The following EDC3 variants were observed in gnomAD, a reference collection of about 807,000 sequenced individuals.
The protein encoded by EDC3 is enhancer of mRNA-decapping protein 3.
Under a neutral mutation model 41.8 loss-of-function variants are expected in EDC3, and 20 were observed. The ratio of observed to expected loss-of-function variants is 0.48; its 90% CI spans 0.34 to 0.70. The LOEUF is 0.70. Ranked by LOEUF, EDC3 falls within the 30% of genes least tolerant of loss-of-function variation. EDC3 has a pLI of 0.01. For synonymous variants in EDC3, 206 were observed against 243.2 expected, an observed-to-expected ratio of 0.85 and a Z score of 1.42; for missense variants, 444 against 636.8, an observed-to-expected ratio of 0.70 and a Z score of 3.26.
chr15:74,684,967 T>C (rs1309525908), intron 1 of EDC3, among the ~76,000 whole-genome samples: 1 of 152,154 alleles, frequency 6.6e-6, no homozygotes, highest in Non-Finnish European at 1.5e-5. Context: ...CGACATCTGG[T>C]AAAACATGAC....
chr15:74,650,401 T>C (rs1482573032), intron 4 of EDC3, among the ~76,000 whole-genome samples: 1 of 152,178 alleles, frequency 6.6e-6, no homozygotes, highest in African/African-American at 2.4e-5. Context: ...TGCACCTGCC[T>C]AGCCTACCCA....
chr15:74,635,625 A>G lies in EDC3; in HGVS notation c.976T>C (p.Leu326=). The G allele has an allele frequency of 6.2e-7, 1 of 1,611,830 alleles. No individual in the cohort carries two copies. The highest frequency in any genetic ancestry group is 8.5e-7 in the Non-Finnish European group (1 of 1,178,100). Residue 326 remains leucine, a splice_region_variant and synonymous_variant, in exon 6 of 7, where the codon TTG becomes CTG. Transcript: ENST00000315127. ...ALTLLGGPNR[L]NPKNVHQRPT... ...CTCTGGTGAACATTTTTGGGATTCA[A>G]CCTGGAAAAGAAGGTGAAGAAGCAG...
At chr15:74,637,378 C>T (rs2062286614) in intron 5 of EDC3, 1 of 152,170 alleles carries the variant, frequency 6.6e-6, no homozygotes, top group Admixed American at 6.5e-5. Context: ...TGGGAAGCCA[C>T]TTAATGGTCT....
intron 1 of EDC3, among the ~76,000 whole-genome samples, chr15:74,680,123 G>A (rs773548235): frequency 3.3e-5 from 5 of 151,428 alleles, no homozygotes; most frequent in East Asian, 3.9e-4. Context: ...TTAGCCAGGC[G>A]TGGTGGCGTG....
At chr15:74,670,801 A>T (rs1288962267) in intron 3 of EDC3, among the ~76,000 whole-genome samples, 2 of 152,214 alleles carry the variant, frequency 1.3e-5, no homozygotes, top group East Asian at 3.8e-4. Flanking sequence ...GGGCAGCAAC[A>T]GAGACCAATG....
chr15:74,689,761 T>C (rs1350257534), intron 1 of EDC3, among the ~76,000 whole-genome samples: 1 of 152,042 alleles, frequency 6.6e-6, no homozygotes, highest in African/African-American at 2.4e-5. Context: ...CCTGACCTCA[T>C]GATCCGCCCG....
At chr15:74,648,680 C>G (rs1408958544) in intron 4 of EDC3, among the ~76,000 whole-genome samples, 39 of 152,162 alleles carry the variant, frequency 2.6e-4, no homozygotes, top group Non-Finnish European at 1.5e-5. Flanking sequence ...TTCGGGTCAT[C>G]CTCACACACT....
chr15:74,686,542 T>C (rs1037425001), intron 1 of EDC3, among the ~76,000 whole-genome samples: 4 of 151,630 alleles, frequency 2.6e-5, no homozygotes, highest in Non-Finnish European at 4.4e-5. Flanking sequence ...CCCAGCACTT[T>C]CAGAGGCCGA....
chr15:74,643,066 C>T (rs542155863), intron 4 of EDC3: 5 of 152,184 alleles, frequency 3.3e-5, no homozygotes, highest in Non-Finnish European at 7.3e-5. Context: ...GACTGTTCCT[C>T]TGAAAGGAAC....
chr15:74,655,742 ACTC>A lies in EDC3; in HGVS notation c.808_810del (p.Glu270del). 2 of 1,608,696 alleles carry A rather than the reference ACTC, an allele frequency of 1.2e-6. No individual in the cohort carries two copies. On this transcript the variant is annotated inframe_deletion, in exon 4 of 7. Coordinates refer to ENST00000315127, the MANE Select transcript of EDC3 (RefSeq NM_025083.5). ...ACCTGATGCAACTCACCCGTGCAGA[ACTC>A]CTTGCTCACGTTGTGGGGCACTATG... is the stretch of plus-strand genomic sequence containing the variant.
intron 4 of EDC3, among the ~76,000 whole-genome samples, chr15:74,653,101 A>T (rs998315933): frequency 7.3e-5 from 11 of 150,754 alleles, no homozygotes; most frequent in Admixed American, 7.3e-4. Context: ...AATCGCTTGA[A>T]CCTGGGAGGT....
intron 4 of EDC3, among the ~76,000 whole-genome samples, chr15:74,649,577 C>G (rs2062457001): frequency 6.6e-6 from 1 of 152,100 alleles, no homozygotes; most frequent in South Asian, 2.1e-4. Context: ...ACTGAGGTGG[C>G]CTTTGCAAAT....
At chr15:74,688,280 C>G (rs1480388834) in intron 1 of EDC3, among the ~76,000 whole-genome samples, 1 of 152,202 alleles carries the variant, frequency 6.6e-6, no homozygotes, top group East Asian at 1.9e-4. Context: ...ACCTCCACGT[C>G]AAAAGAAGTA....
intron 4 of EDC3, among the ~76,000 whole-genome samples, chr15:74,650,540 C>T (rs1354258422): frequency 2.0e-5 from 3 of 152,210 alleles, no homozygotes; most frequent in Non-Finnish European, 4.4e-5. Flanking sequence ...ACTTAATGTC[C>T]ACACTTTCAC....
rs182935752 is a variant in EDC3 at position 74,659,994 on chromosome 15, G to A, written c.485-3926C>T. ...CAGGAGGCAGAGATTGCAGTGAGCC[G>A]AGATCACGCCACTGCACTCCAGCCT... On this transcript the variant is annotated intron_variant, in intron 3 of 6. Transcript: ENST00000315127. Among the ~76,000 whole-genome samples the A allele has an allele frequency of 2.9e-3, 445 of 151,682 alleles. 1 individual carries two copies. The highest frequency in any genetic ancestry group is 5.0e-3 in the Non-Finnish European group (342 of 67,918).
At chr15:74,675,798 G>A (rs892809793) in intron 1 of EDC3, among the ~76,000 whole-genome samples, 6 of 150,464 alleles carry the variant, frequency 4.0e-5, no homozygotes, top group East Asian at 3.9e-4. Flanking sequence ...GGAGAATGGC[G>A]TCAACCCAGG....
intron 1 of EDC3, among the ~76,000 whole-genome samples, chr15:74,683,574 A>C (rs147392850): frequency 6.6e-6 from 1 of 151,978 alleles, no homozygotes; most frequent in African/African-American, 2.4e-5. Flanking sequence ...TTACATCTTG[A>C]CCATATCAAT....
intron 1 of EDC3, among the ~76,000 whole-genome samples, chr15:74,684,149 C>T (rs185683969): frequency 4.7e-5 from 7 of 149,658 alleles, no homozygotes; most frequent in Non-Finnish European, 1.0e-4. Flanking sequence ...GTGATCCTCC[C>T]GCCTCAGCCT....
chr15:74,653,187 C>CA (rs57778832), intron 4 of EDC3, among the ~76,000 whole-genome samples: 4,812 of 99,290 alleles, frequency 0.048, 155 homozygotes, highest in African/African-American at 0.12. Flanking sequence ...ACTCTGTCTC[C>CA]AAAAAAAAAA....
Sources: allele counts gnomAD v4.1 joint callset (sites outside exome capture counted in the v4.1 genomes callset), GRCh38; gene constraint gnomAD v4.1.1; transcripts MANE v1.5; gene names NCBI Gene and HGNC (gene_info 2026-07-23, HGNC 2026-07-21).